Variants in SLC38A4 observed in about 807,000 individuals in gnomAD.
SLC38A4 encodes the protein solute carrier family 38 member 4.
SLC38A4 carries 20 observed loss-of-function variants against 63.1 expected under a neutral mutation model. The ratio of observed to expected loss-of-function variants is 0.32; its 90% CI spans 0.22 to 0.46. The LOEUF (loss-of-function observed/expected upper bound fraction) is 0.46, where lower values mean the gene tolerates loss of function less well. Among genes scored for constraint, SLC38A4 ranks in the 20% least tolerant of loss-of-function variants. The probability of loss-of-function intolerance (pLI) is 1.00; values close to 1 mark genes in which losing one functional copy is unlikely to be tolerated. For missense variants in SLC38A4, 526 were observed against 663.6 expected (o/e 0.79, Z 2.28); for synonymous variants, 230 against 225.5 (o/e 1.02, Z -0.18).
intron 3 of SLC38A4, among the ~76,000 whole-genome samples, chr12:46,790,876 G>T (rs1036216683): frequency 4.0e-5 from 6 of 151,404 alleles, no homozygotes; most frequent in Non-Finnish European, 5.9e-5. Flanking sequence ...ACATTTAAGG[G>T]TTCAATCCAA....
Position 46,765,890 on chromosome 12 carries a change from T to C in SLC38A4, c.*811A>G, listed in dbSNP as rs534945235. The C allele has an allele frequency of 3.8e-5, 6 of 157,830 alleles. No homozygotes were observed. Among genetic ancestry groups the C allele is most frequent in the Admixed American group, 2.5e-4 (4 of 16,176 alleles). The allele number at this position is 157,830 out of a possible 1,614,324, so 9.8% of individuals were successfully genotyped here. On this transcript the variant is annotated 3_prime_UTR_variant, in exon 17 of 17. Coordinates refer to ENST00000266579, the MANE Select transcript of SLC38A4 (RefSeq NM_018018.5). ...AGGATGGAAGACGAGAGGGAGAGCA[T>C]TGTTCAATGACAAAAGTATGACAAG... is the stretch of plus-strand genomic sequence containing the variant.
chr12:46,783,926 G>A (rs1295617411), intron 7 of SLC38A4, among the ~76,000 whole-genome samples: 1 of 151,958 alleles, frequency 6.6e-6, no homozygotes, highest in Non-Finnish European at 1.5e-5. Context: ...ACACACCAAC[G>A]AGAGAACATT....
At chr12:46,783,814 G>A (rs1410525774) in intron 7 of SLC38A4, among the ~76,000 whole-genome samples, 1 of 151,986 alleles carries the variant, frequency 6.6e-6, no homozygotes, top group Admixed American at 6.6e-5. Context: ...AGATGGCTGG[G>A]GCCATGTGCC....
At chr12:46,828,784 A>G (rs1417892174), upstream of SLC38A4, among the ~76,000 whole-genome samples, 1 of 152,222 alleles carries the variant, frequency 6.6e-6, no homozygotes, top group African/African-American at 2.4e-5. Context: ...ACTCCCTAAT[A>G]TAGTTCTTTG....
At chr12:46,824,435 C>G (rs1939607893) in intron 1 of SLC38A4, 1 of 152,122 alleles carries the variant, frequency 6.6e-6, no homozygotes, top group Non-Finnish European at 1.5e-5. Context: ...ACATTTCGTC[C>G]TCACACTTTT....
At chr12:46,775,992 G>A (rs185084096) in intron 13 of SLC38A4, among the ~76,000 whole-genome samples, 7 of 151,936 alleles carry the variant, frequency 4.6e-5, no homozygotes, top group Non-Finnish European at 7.4e-5. Context: ...TAAAGCACAT[G>A]TTTGGTTAAT....
At chr12:46,789,933 C>A (rs889659780) in intron 3 of SLC38A4, among the ~76,000 whole-genome samples, 1 of 151,932 alleles carries the variant, frequency 6.6e-6, no homozygotes, top group Admixed American at 6.6e-5. Flanking sequence ...AAAAAGTTAG[C>A]CGAGTGTGGT....
At chr12:46,789,570 C>T (rs550960935) in intron 3 of SLC38A4, among the ~76,000 whole-genome samples, 1 of 152,272 alleles carries the variant, frequency 6.6e-6, no homozygotes, top group East Asian at 1.9e-4. Context: ...GGACCAGCCA[C>T]ATTTCCAAGA....
In SLC38A4 at chr12:46,785,738, C is replaced by CCTTTTTTTTTTTTTTTTTTT. The variant is rs1489385010; in HGVS notation, c.327-562_327-561insAAAAAAAAAAAAAAAAAAAG. ...AGCTAAGGATGGGGCACGAAAATTC[C>CCTTTTTTTTTTTTTTTTTTT]TTTTTTTTTTTTTTTTTTTTTTTTG... On this transcript the variant is annotated intron_variant, in intron 5 of 16. Transcript: ENST00000266579. Among the ~76,000 whole-genome samples the CCTTTTTTTTTTTTTTTTTTT allele has an allele frequency of 3.0e-5, 2 of 66,900 alleles. 1 individual carries two copies. The allele number at this position is 66,900 out of a possible 152,430, so 43.9% of individuals were successfully genotyped here.
chr12:46,829,227 AC>A (rs1456819191), upstream of SLC38A4, among the ~76,000 whole-genome samples: 34 of 152,290 alleles, frequency 2.2e-4, 1 homozygote, highest in South Asian at 6.6e-3. Context: ...CTCTTAAAGC[AC>A]CTTTCCTTTC....
chr12:46,779,475 G>T, intron 10 of SLC38A4, 136 bp downstream of exon 10: 1 of 730,828 alleles, frequency 1.4e-6, no homozygotes, highest in Non-Finnish European at 2.3e-6. Context: ...CTCTAAATTA[G>T]TCTACAAGAA....
At chr12:46,785,015 A>G (rs1389231528) in intron 6 of SLC38A4, 89 bp downstream of exon 6, 13 of 1,071,254 alleles carry the variant, frequency 1.2e-5, no homozygotes, top group Admixed American at 1.8e-5. Context: ...GAAACTGACT[A>G]TAATCATCCT....
At chr12:46,766,897 T>C (rs1938312738) in intron 16 of SLC38A4, 95 bp from the exon 17 acceptor site, 7 of 748,462 alleles carry the variant, frequency 9.4e-6, no homozygotes, top group Non-Finnish European at 1.1e-5. Context: ...CTGATCTATA[T>C]ATTGAGCCAT....
At chr12:46,772,303 A>G (rs1382254725) in intron 14 of SLC38A4, among the ~76,000 whole-genome samples, 2 of 152,092 alleles carry the variant, frequency 1.3e-5, no homozygotes, top group Non-Finnish European at 2.9e-5. Context: ...TCAAAACAGG[A>G]GATCTGAAGG....
chr12:46,827,796 AGACTTTGTT>A (rs1939679785), upstream of SLC38A4, among the ~76,000 whole-genome samples: 1 of 152,094 alleles, frequency 6.6e-6, no homozygotes, highest in Non-Finnish European at 1.5e-5. Flanking sequence ...TGGAAAGATA[AGACTTTGTT>A]GTCTTATCTT....
At chr12:46,784,513 G>T (rs369792620) in intron 7 of SLC38A4, 29 bp downstream of exon 7, 2 of 1,554,440 alleles carry the variant, frequency 1.3e-6, no homozygotes, top group Non-Finnish European at 8.8e-7. Context: ...GAAAGTTTAT[G>T]GGATCCATTG....
At position 46,766,401 on chromosome 12, in the gene SLC38A4, G is replaced by A. The variant is rs775007828; in HGVS notation, c.*300C>T. 2.0e-6 allele frequency: 1 copy of A among 504,918 alleles called. No homozygotes were observed. The highest frequency in any genetic ancestry group is 1.5e-5 in the South Asian group (1 of 64,978). The allele number at this position is 504,918 out of a possible 1,614,324, so 31.3% of individuals were successfully genotyped here. On this transcript the variant is annotated 3_prime_UTR_variant, in exon 17 of 17. Transcript: ENST00000266579. ...GAGTACTATCTGATGATTGTTACAT[G>A]CAGTTACCCTTATTCTGCTCGTAAA...
chr12:46,831,327 C>A (rs1351048938), intron 1 of SLC38A4, among the ~76,000 whole-genome samples: 1 of 152,242 alleles, frequency 6.6e-6, no homozygotes, highest in East Asian at 1.9e-4. Context: ...CCCTCTCCCC[C>A]GTCTCACTTT....
At chr12:46,828,313 T>C (rs1216563889), upstream of SLC38A4, among the ~76,000 whole-genome samples, 1 of 152,056 alleles carries the variant, frequency 6.6e-6, no homozygotes, top group Non-Finnish European at 1.5e-5. Flanking sequence ...TTTATTTTTG[T>C]TTGTTTTGTT....
Sources: allele counts gnomAD v4.1 joint callset (sites outside exome capture counted in the v4.1 genomes callset), GRCh38; gene constraint gnomAD v4.1.1; transcripts MANE v1.5; gene names NCBI Gene and HGNC (gene_info 2026-07-23, HGNC 2026-07-21).